Variants in ZNF438 observed in about 807,000 individuals in gnomAD.
ZNF438 encodes the protein zinc finger protein 438.
In ZNF438, 25 loss-of-function variants were observed where a neutral mutation model predicts 38.0. The ratio of observed to expected loss-of-function variants is 0.66; its 90% CI spans 0.48 to 0.92. The LOEUF (loss-of-function observed/expected upper bound fraction) is 0.92, where lower values mean the gene tolerates loss of function less well. ZNF438 is among the 40% of genes least tolerant of loss of function. The pLI is 0.00. For synonymous variants in ZNF438, 372 were observed against 364.1 expected, an observed-to-expected ratio of 1.02 and a Z score of -0.25; for missense variants, 1,007 against 999.6, an observed-to-expected ratio of 1.01 and a Z score of -0.10.
rs1168158788 is a variant in ZNF438, at chr10:30,848,469, T to C, written c.1874+62A>G. On this transcript the variant is annotated intron_variant, in intron 5 of 5. Coordinates refer to ENST00000413025, the Ensembl canonical transcript of ZNF438. ...AACTCTCCTTTCTGAATATGAAATC[T>C]TCCCCTCTTCCCCAAATCAAAACAG... is the stretch of plus-strand genomic sequence containing the variant. 5.9e-6 allele frequency: 9 copies of C among 1,531,712 alleles called. No homozygotes were observed. In the South Asian group the frequency reaches 6.4e-5, roughly 11 times the overall value. The allele number at this position is 1,531,712 out of a possible 1,614,324, so 94.9% of individuals were successfully genotyped here. A position where few individuals can be genotyped will look rare whatever the true frequency, so the allele number is the denominator to read the frequency against.
chr10:30,911,781 A>G (rs572612038), intron 2 of ZNF438, among the ~76,000 whole-genome samples: 3 of 152,094 alleles, frequency 2.0e-5, no homozygotes, highest in South Asian at 2.1e-4. Context: ...TTTCACCTTC[A>G]TTTTCCAAAG....
At chr10:30,946,552 C>G (rs1272380456) in intron 1 of ZNF438, among the ~76,000 whole-genome samples, 2 of 152,290 alleles carry the variant, frequency 1.3e-5, no homozygotes, top group East Asian at 3.9e-4. Flanking sequence ...ACAGACACTT[C>G]TCAAAAGAAG....
At chr10:30,976,924 C>A (rs1225540152) in intron 1 of ZNF438, among the ~76,000 whole-genome samples, 5 of 151,716 alleles carry the variant, frequency 3.3e-5, no homozygotes, top group African/African-American at 9.7e-5. Context: ...AGAGATCAGA[C>A]AAAAAAATAA....
chr10:30,851,136 T>C (rs1268478567), intron 4 of ZNF438, among the ~76,000 whole-genome samples: 2 of 152,194 alleles, frequency 1.3e-5, no homozygotes, highest in Non-Finnish European at 2.9e-5. Context: ...AGATACAAAG[T>C]GATAAGTACA....
At chr10:30,844,701 C>A in exon 6 of ZNF438, 1 of 377,230 alleles carries the variant, frequency 2.7e-6, no homozygotes, top group Non-Finnish European at 4.7e-6. Context: ...AAATTTTGAT[C>A]TTTTTATTTA....
intron 1 of ZNF438, among the ~76,000 whole-genome samples, chr10:30,962,872 T>C (rs1334871523): frequency 6.6e-6 from 1 of 152,206 alleles, no homozygotes; most frequent in Non-Finnish European, 1.5e-5. Flanking sequence ...CTTTACTGTT[T>C]TGGAAAAACT....
intron 2 of ZNF438, among the ~76,000 whole-genome samples, chr10:30,909,927 A>C (rs1281715278): frequency 6.6e-6 from 1 of 152,200 alleles, no homozygotes; most frequent in Non-Finnish European, 1.5e-5. Flanking sequence ...GAGTGATGCA[A>C]AGAGACTTCT....
At chr10:30,868,072 A>AC (rs138850828) in intron 4 of ZNF438, among the ~76,000 whole-genome samples, 86,565 of 149,832 alleles carry the variant, frequency 0.58, 25,085 homozygotes, top group African/African-American at 0.61. Flanking sequence ...GTTTTTAAAG[A>AC]ATTTTTTTTT....
chr10:30,845,792 G>A (rs761069294), intron 5 of ZNF438, among the ~76,000 whole-genome samples: 6 of 152,176 alleles, frequency 3.9e-5, no homozygotes, highest in Non-Finnish European at 7.3e-5. Context: ...AGCTACCAGG[G>A]TTCATTTAGT....
chr10:30,909,022 A>G lies in ZNF438; in HGVS notation c.-114-7T>C, dbSNP rs987774751. The G allele has an allele frequency of 6.6e-6, 1 of 152,206 alleles. No homozygotes were observed. Among genetic ancestry groups the G allele is most frequent in the Non-Finnish European group, 1.5e-5 (1 of 68,010 alleles). 9.4% of individuals were successfully genotyped at this position (152,206 alleles called of 1,614,324 possible). A position where few individuals can be genotyped will look rare whatever the true frequency, so the allele number is the denominator to read the frequency against. ...CGTACTTTCTTCAACATACCTAAAA[A>G]AAGAAAACTGGATTTACAAACTTTT... On this transcript the variant is annotated splice_polypyrimidine_tract_variant and splice_region_variant and intron_variant, in intron 2 of 5. Transcript: ENST00000413025.
At chr10:30,935,016 C>T (rs1311650515) in intron 2 of ZNF438, among the ~76,000 whole-genome samples, 1 of 152,158 alleles carries the variant, frequency 6.6e-6, no homozygotes, top group Non-Finnish European at 1.5e-5. Flanking sequence ...CTCATTTAAT[C>T]TTTATTGTTG....
At chr10:30,877,837 A>G (rs2038666346) in intron 3 of ZNF438, among the ~76,000 whole-genome samples, 1 of 152,242 alleles carries the variant, frequency 6.6e-6, no homozygotes, top group African/African-American at 2.4e-5. Flanking sequence ...TAAGCATGAC[A>G]CCAAGTACAG....
chr10:30,892,203 C>T (rs1162741679), intron 3 of ZNF438, among the ~76,000 whole-genome samples: 6 of 150,884 alleles, frequency 4.0e-5, no homozygotes, highest in South Asian at 2.1e-4. Context: ...CAGTGGATGT[C>T]TAAAACTGTG....
intron 1 of ZNF438, among the ~76,000 whole-genome samples, chr10:31,000,521 C>A (rs1171886749): frequency 6.6e-6 from 1 of 152,210 alleles, no homozygotes; most frequent in Non-Finnish European, 1.5e-5. Flanking sequence ...TCCCTCCCAT[C>A]CATTTCTGTT....
At chr10:31,019,688 T>C (rs970017809) in intron 1 of ZNF438, among the ~76,000 whole-genome samples, 6 of 152,222 alleles carry the variant, frequency 3.9e-5, no homozygotes, top group African/African-American at 1.4e-4. Context: ...TGCCAGATAA[T>C]ATACAGGATG....
chr10:30,951,807 G>C (rs896834316), intron 1 of ZNF438, among the ~76,000 whole-genome samples: 1 of 150,058 alleles, frequency 6.7e-6, no homozygotes, highest in African/African-American at 2.4e-5. Context: ...TCAATACCAT[G>C]AAAATGGCCA....
At chr10:30,963,539 G>A (rs1485195373) in intron 1 of ZNF438, among the ~76,000 whole-genome samples, 1 of 152,058 alleles carries the variant, frequency 6.6e-6, no homozygotes, top group Non-Finnish European at 1.5e-5. Flanking sequence ...TTATATGTTA[G>A]GATTCAAATC....
intron 4 of ZNF438, among the ~76,000 whole-genome samples, chr10:30,869,346 C>T (rs2133385360): frequency 6.6e-6 from 1 of 151,272 alleles, no homozygotes; most frequent in South Asian, 2.1e-4. Flanking sequence ...TGCACTCCAG[C>T]CTGGACAACA....
chr10:30,948,905 C>T (rs371580202), intron 1 of ZNF438, among the ~76,000 whole-genome samples: 1 of 151,852 alleles, frequency 6.6e-6, no homozygotes, highest in Non-Finnish European at 1.5e-5. Context: ...GAGAACGCCA[C>T]AAAGATACTC....
Sources: allele counts gnomAD v4.1 joint callset (sites outside exome capture counted in the v4.1 genomes callset), GRCh38; gene constraint gnomAD v4.1.1; transcripts MANE v1.5; gene names NCBI Gene and HGNC (gene_info 2026-07-23, HGNC 2026-07-21).